The following ZNF862 variants were observed in gnomAD, a reference collection of about 807,000 sequenced individuals.
ZNF862 encodes zinc finger protein 862.
Under a neutral mutation model 91.1 loss-of-function variants are expected in ZNF862, and 64 were observed. The observed-to-expected ratio is 0.70, with a 90% CI of 0.57 to 0.87. The LOEUF is 0.87. Among genes scored for constraint, ZNF862 ranks in the 40% least tolerant of loss-of-function variants. ZNF862 has a pLI of 0.00. For synonymous variants in ZNF862, 631 were observed against 618.1 expected (o/e 1.02, Z -0.31); for missense variants, 1,459 against 1,528.0 (o/e 0.95, Z 0.75).
intron 5 of ZNF862, among the ~76,000 whole-genome samples, chr7:149,853,256 G>A (rs1481994258): frequency 6.6e-6 from 1 of 152,204 alleles, no homozygotes; most frequent in Non-Finnish European, 1.5e-5. Context: ...CATGGGATAG[G>A]GCCTGCTGGC....
chr7:149,846,142 TGG>T lies in ZNF862; in HGVS notation c.137-8_137-7del. The T allele has an allele frequency of 1.2e-6, 2 of 1,600,990 alleles. No individual in the cohort carries two copies. The highest frequency in any genetic ancestry group is 1.7e-5 in the Admixed American group (1 of 58,844). On this transcript the variant is annotated splice_region_variant and splice_polypyrimidine_tract_variant and intron_variant, in intron 2 of 7. Transcript: ENST00000223210. ...TCTCTCTCGCTCTCTTTTTTTTTTT[TGG>T]ACTCAGGACCAACTGTTGCCAATCC...
intron 6 of ZNF862, 182 bp downstream of exon 6, chr7:149,859,708 A>T: frequency 5.3e-6 from 3 of 564,916 alleles, no homozygotes; most frequent in Admixed American, 3.3e-5. Flanking sequence ...AGTGTAGAGT[A>T]GTCTGGGAAA....
chr7:149,861,859 G>T lies in ZNF862; in HGVS notation c.2699G>T (p.Gly900Val). Reference protein sequence around the residue: ...EEEFNASFKDGRLHGICLDKL... With the variant: ...EEEFNASFKDVRLHGICLDKL... ...GAATTCAACGCCAGCTTCAAGGATG[G>T]GCGGCTCCACGGCATCTGCTTGGAC... The change falls in exon 7 of 8, where the codon GGG becomes GTG. Residue 900 changes from glycine (G) to valine (V), a missense_variant. Transcript: ENST00000223210. The surrounding 1 kb of genome is among the most constrained non-coding windows in gnomAD (Gnocchi z 6.7). 1.2e-6 allele frequency: 2 copies of T among 1,613,728 alleles called. No homozygotes were observed. The highest frequency in any genetic ancestry group is 1.7e-6 in the Non-Finnish European group (2 of 1,179,894).
In ZNF862 at chr7:149,864,352, C is replaced by G. The variant is rs1802639301; in HGVS notation, c.*68C>G. On this transcript the variant is annotated 3_prime_UTR_variant, in exon 8 of 8. Transcript: ENST00000223210. The stretch of plus-strand genomic sequence containing the variant: ...ATCACTGGGACAGGCTCTGCAGATT[C>G]TAGGCTGCCCTAGGATCTTCTGCTG... 1 of 1,460,044 alleles carries G rather than the reference C, an allele frequency of 6.8e-7. No individual in the cohort carries two copies. Among genetic ancestry groups the G allele is most frequent in the African/African-American group, 1.4e-5 (1 of 70,750 alleles). 90.4% of individuals were successfully genotyped at this position (1,460,044 alleles called of 1,614,324 possible). A position where few individuals can be genotyped will look rare whatever the true frequency, so the allele number is the denominator to read the frequency against.
Position 149,844,707 on chromosome 7 carries a change from G to A in ZNF862, c.107G>A (p.Cys36Tyr). 1 of 1,597,060 alleles carries A rather than the reference G, an allele frequency of 6.3e-7. No homozygotes were observed. The change falls in exon 2 of 8, where the codon TGT (cysteine) becomes TAT (tyrosine). Residue 36 changes from cysteine (C) to tyrosine (Y), a missense_variant. By Grantham distance (194) the Cys-to-Tyr change is radical. Coordinates refer to ENST00000223210, the MANE Select transcript of ZNF862 (RefSeq NM_001099220.3). Reference sequence around the variant, plus strand: ...CTGAGCCAGCAACAGAAGGAGCTCTGTGGTTCCAACAAGCTGGTGGCACCA... The same window carrying A: ...CTGAGCCAGCAACAGAAGGAGCTCTATGGTTCCAACAAGCTGGTGGCACCA... ...VLLSQQQKEL[C>Y]GSNKLVAPLG...
rs1375043282 is a variant in ZNF862 at position 149,864,220 on chromosome 7, T to A, written c.3446T>A (p.Ile1149Asn). 1.9e-6 allele frequency: 3 copies of A among 1,600,698 alleles called. No individual in the cohort carries two copies. The highest frequency in any genetic ancestry group is 2.6e-6 in the Non-Finnish European group (3 of 1,174,232). The stretch of plus-strand genomic sequence containing the variant: ...GCAGCGGAGGTTCTGAAGGACTGCA[T>A]CATGGAGCCTCCCGAGAGACTCCTG... ...REAAEVLKDC[I>N]MEPPERLLYP... Residue 1149 changes from isoleucine to asparagine, a missense_variant, in exon 8 of 8, where the codon ATC (isoleucine) becomes AAC (asparagine). By Grantham distance (149) the Ile-to-Asn change is moderately radical. Transcript: ENST00000223210.
rs117272481 is a variant in ZNF862 at position 149,859,791 on chromosome 7, C to A, written c.1222+265C>A. The A allele has an allele frequency of 6.5e-4, 278 of 424,520 alleles. 4 individuals are homozygous for A. The East Asian group carries it at 0.011, about 17-fold the overall frequency. The allele number at this position is 424,520 out of a possible 1,614,324, so 26.3% of individuals were successfully genotyped here. A position where few individuals can be genotyped will look rare whatever the true frequency, so the allele number is the denominator to read the frequency against. On this transcript the variant is annotated intron_variant, in intron 6 of 7. Transcript: ENST00000223210. ...GTGGCAGAGCTGGTGGGAGCAGGTA[C>A]GTGGGGACACTGGTCTCGAGGAGCC... is the stretch of plus-strand genomic sequence containing the variant.
intron 3 of ZNF862, among the ~76,000 whole-genome samples, 156 bp downstream of exon 3, chr7:149,846,411 A>C (rs1043930723): frequency 1.3e-5 from 2 of 152,108 alleles, no homozygotes; most frequent in Admixed American, 1.3e-4. Context: ...CTAAATATAC[A>C]CACTGCCCCT....
rs1802545828 is a variant in ZNF862, at chr7:149,862,338, G to A, written c.3178G>A (p.Glu1060Lys). 1.2e-6 allele frequency: 2 copies of A among 1,613,342 alleles called. No individual in the cohort carries two copies. Among genetic ancestry groups the A allele is most frequent in the African/African-American group, 1.3e-5 (1 of 75,020 alleles). ...RTDERTKLSNEVLNMLMMTAV... is the reference protein window; with the variant it reads ...RTDERTKLSNKVLNMLMMTAV... ...CGATGAGAGGACCAAGCTCTCCAAC[G>A]AGGTGCTCAACATGCTCATGATGAC... The change falls in exon 7 of 8, where the codon GAG (glutamate) becomes AAG (lysine). Residue 1060 changes from glutamate (E) to lysine (K), a missense_variant. By Grantham distance (56) the Glu-to-Lys change is moderately conservative. Coordinates refer to ENST00000223210, the MANE Select transcript of ZNF862 (RefSeq NM_001099220.3).
intron 5 of ZNF862, among the ~76,000 whole-genome samples, chr7:149,853,622 CTGTT>C (rs1175500333): frequency 1.3e-5 from 2 of 152,102 alleles, no homozygotes; most frequent in African/African-American, 4.8e-5. Flanking sequence ...CATTTGGTCC[CTGTT>C]TGTTTTCAAT....
In ZNF862 at chr7:149,862,213, G is replaced by A. The variant is rs375858569; in HGVS notation, c.3053G>A (p.Arg1018His). 31 of 1,613,630 alleles carry A rather than the reference G, an allele frequency of 1.9e-5. No individual in the cohort carries two copies. Among genetic ancestry groups the A allele is most frequent in the African/African-American group, 6.7e-5 (5 of 75,022 alleles). Residue 1018 changes from arginine to histidine, a missense_variant, in exon 7 of 8, where the codon CGC becomes CAC. Arg to His is a conservative substitution (Grantham distance 29). Transcript: ENST00000223210. Reference sequence around the variant, plus strand: ...AAAAACGCCCTGGCCCAGCACTGCCGCTTCCCCCTGCTAAGCAAGCTCATG... The same window carrying A: ...AAAAACGCCCTGGCCCAGCACTGCCACTTCCCCCTGCTAAGCAAGCTCATG... ...LCKNALAQHC[R>H]FPLLSKLMAV...
chr7:149,850,292 G>C lies in ZNF862; in HGVS notation c.1071G>C (p.Leu357=), dbSNP rs201083515. 6 of 1,613,650 alleles carry C rather than the reference G, an allele frequency of 3.7e-6. No homozygotes were observed. Among genetic ancestry groups the C allele is most frequent in the South Asian group, 1.1e-5 (1 of 91,036 alleles). Residue 357 remains leucine (L), a synonymous_variant, in exon 5 of 8, where the codon CTG becomes CTC. Transcript: ENST00000223210. The surrounding 1 kb of genome is among the most constrained non-coding windows in gnomAD (Gnocchi z 4.2). ...TGCTAGACAAGCGGCAGAAGGAGCTGTACAGAGACGTGATGCGGATGAACT... is the reference window on the plus strand; with the variant it reads ...TGCTAGACAAGCGGCAGAAGGAGCTCTACAGAGACGTGATGCGGATGAACT... ...WGMLDKRQKE[L]YRDVMRMNYE...
intron 1 of ZNF862, chr7:149,840,971 C>A: frequency 3.0e-6 from 3 of 985,412 alleles, no homozygotes; most frequent in Non-Finnish European, 3.6e-6. Flanking sequence ...CCTGTCCAAC[C>A]ACTAAGTGAA....
Position 149,862,093 on chromosome 7 carries a change from G to A in ZNF862, c.2933G>A (p.Cys978Tyr). ...DILNLARYFE[C>Y]SLPTGYSEEA... ...CTCAACCTGGCCAGGTATTTCGAGTGCTCCCTCCCAACAGGATACAGTGAG... is the reference window on the plus strand; with the variant it reads ...CTCAACCTGGCCAGGTATTTCGAGTACTCCCTCCCAACAGGATACAGTGAG... Residue 978 changes from cysteine to tyrosine, a missense_variant, in exon 7 of 8, where the codon TGC becomes TAC. Transcript: ENST00000223210. 6.2e-7 allele frequency: 1 copy of A among 1,613,656 alleles called. No individual in the cohort carries two copies. Among genetic ancestry groups the A allele is most frequent in the Non-Finnish European group, 8.5e-7 (1 of 1,179,900 alleles).
chr7:149,838,768 C>T (rs1801606727), intron 1 of ZNF862, 133 bp downstream of exon 1: 3 of 564,956 alleles, frequency 5.3e-6, no homozygotes, highest in Non-Finnish European at 7.9e-6. Flanking sequence ...GCCGGCCCGC[C>T]CTCTCTTCCC....
At position 149,848,017 on chromosome 7, in the gene ZNF862, C is replaced by G; in HGVS notation, c.524C>G (p.Ser175Ter). Reference protein sequence around the residue: ...REYPSIRDKRSRLIEGYTGPF... With the variant: ...REYPSIRDKR ...TACCCCTCCATCAGGGACAAACGGT[C>G]AAGACTAATAGAAGGTTATACAGGA... Residue 175 changes from serine to a stop codon, truncating the protein, a stop_gained, in exon 4 of 8, where the codon TCA becomes TGA. Coordinates refer to ENST00000223210, the MANE Select transcript of ZNF862 (RefSeq NM_001099220.3). LOFTEE classifies it high-confidence loss of function. 1 of 1,613,704 alleles carries G rather than the reference C, an allele frequency of 6.2e-7. No individual in the cohort carries two copies. Among genetic ancestry groups the G allele is most frequent in the Non-Finnish European group, 8.5e-7 (1 of 1,179,746 alleles).
chr7:149,847,692 C>T (rs1801918321), intron 3 of ZNF862, 43 bp from the exon 4 acceptor site: 3 of 1,487,108 alleles, frequency 2.0e-6, no homozygotes, highest in African/African-American at 1.4e-5. Context: ...GTGGCTCTAA[C>T]TATAGGATTT....
chr7:149,854,179 G>A (rs1387455926), intron 5 of ZNF862, among the ~76,000 whole-genome samples: 1 of 152,168 alleles, frequency 6.6e-6, no homozygotes, highest in African/African-American at 2.4e-5. Flanking sequence ...TCACCCTCTG[G>A]GTTAAATCTA....
At chr7:149,844,858 T>C in intron 2 of ZNF862, 122 bp downstream of exon 2, 1 of 666,564 alleles carries the variant, frequency 1.5e-6, no homozygotes, top group Non-Finnish European at 2.7e-6. Context: ...GCATCTTTAC[T>C]CCACCTGTCT....
Sources: gnomAD v4.1 joint callset for allele counts (sites outside exome capture counted in the v4.1 genomes callset) on GRCh38, gnomAD v4.1.1 for gene constraint, Gnocchi (gnomAD v3.1) non-coding constraint, MANE v1.5 for transcripts, NCBI Gene and HGNC (gene_info 2026-07-23, HGNC 2026-07-21) for gene names.